Variants in AGBL4 observed in about 807,000 individuals in gnomAD.
AGBL4 encodes cytosolic carboxypeptidase 6.
AGBL4 carries 58 observed loss-of-function variants against 66.4 expected under a neutral mutation model. The ratio of observed to expected loss-of-function variants is 0.87; its 90% CI spans 0.71 to 1.09. The LOEUF (loss-of-function observed/expected upper bound fraction) is 1.09. Ranked by LOEUF, AGBL4 falls within the 50% of genes least tolerant of loss-of-function variation. AGBL4 has a pLI of 0.00. For synonymous variants in AGBL4, 234 were observed against 222.9 expected (o/e 1.05, Z -0.44); for missense variants, 579 against 631.0 (o/e 0.92, Z 0.88).
intron 2 of AGBL4, among the ~76,000 whole-genome samples, chr1:49,782,273 G>T (rs1467442338): frequency 6.6e-6 from 1 of 151,918 alleles, no homozygotes; most frequent in Non-Finnish European, 1.5e-5. Context: ...AGAATAAAAA[G>T]ATGAGGCATC....
chr1:49,039,083 A>G (rs1664894526), intron 5 of AGBL4, among the ~76,000 whole-genome samples: 1 of 152,134 alleles, frequency 6.6e-6, no homozygotes, highest in Non-Finnish European at 1.5e-5. Flanking sequence ...AAGCGAAAGA[A>G]GCCAATCTGA....
intron 3 of AGBL4, among the ~76,000 whole-genome samples, chr1:49,584,629 C>G (rs1324894485): frequency 6.6e-6 from 1 of 152,026 alleles, no homozygotes; most frequent in Non-Finnish European, 1.5e-5. Flanking sequence ...GGTTTGTGGG[C>G]TCTGAAGCTT....
chr1:49,300,008 T>G (rs1413392812), intron 3 of AGBL4, among the ~76,000 whole-genome samples: 1 of 152,222 alleles, frequency 6.6e-6, no homozygotes, highest in African/African-American at 2.4e-5. Flanking sequence ...GCTAATATTT[T>G]GTTGATGTTA....
rs375074244 is a variant in AGBL4 at position 48,532,908 on chromosome 1, C to T, written c.*1265G>A. On this transcript the variant is annotated 3_prime_UTR_variant, in exon 14 of 14. Transcript: ENST00000371839. Reference sequence around the variant, plus strand: ...GGGCAAAACGAACCCAGGGGAGAAGCTGTATATACAACATGACATTTGTAG... The same window carrying T: ...GGGCAAAACGAACCCAGGGGAGAAGTTGTATATACAACATGACATTTGTAG... The T allele has an allele frequency of 3.3e-5, 5 of 152,198 alleles. No homozygotes were observed. The highest frequency in any genetic ancestry group is 9.7e-5 in the African/African-American group (4 of 41,448). 9.4% of individuals were successfully genotyped at this position (152,198 alleles called of 1,614,324 possible). A position where few individuals can be genotyped will look rare whatever the true frequency, so the allele number is the denominator to read the frequency against.
chr1:48,671,625 A>G (rs889280614), intron 6 of AGBL4, among the ~76,000 whole-genome samples: 3 of 152,338 alleles, frequency 2.0e-5, no homozygotes, highest in Middle Eastern at 3.4e-3. Flanking sequence ...CTTCAGGTCT[A>G]TGTATATGAC....
intron 6 of AGBL4, among the ~76,000 whole-genome samples, chr1:48,858,400 C>T (rs769933446): frequency 3.9e-5 from 6 of 152,236 alleles, no homozygotes; most frequent in African/African-American, 7.2e-5. Flanking sequence ...GCAGATTATT[C>T]GTAAAATCCC....
At chr1:49,287,806 C>T (rs1299882920) in intron 3 of AGBL4, among the ~76,000 whole-genome samples, 4 of 136,290 alleles carry the variant, frequency 2.9e-5, no homozygotes, top group African/African-American at 8.4e-5. Context: ...GTCAGTGTGG[C>T]GATTCCTCAG....
intron 5 of AGBL4, among the ~76,000 whole-genome samples, chr1:48,980,029 T>C (rs1234576822): frequency 6.6e-6 from 1 of 152,178 alleles, no homozygotes; most frequent in East Asian, 1.9e-4. Flanking sequence ...AGATGCTTAC[T>C]CAGGAAGGTG....
intron 3 of AGBL4, among the ~76,000 whole-genome samples, chr1:49,318,852 C>A (rs930879101): frequency 2.0e-5 from 3 of 152,064 alleles, no homozygotes; most frequent in Non-Finnish European, 4.4e-5. Context: ...TTACAAGTAT[C>A]TTGCTTACAG....
At chr1:49,332,929 T>G (rs1295741928) in intron 3 of AGBL4, among the ~76,000 whole-genome samples, 1 of 152,198 alleles carries the variant, frequency 6.6e-6, no homozygotes, top group African/African-American at 2.4e-5. Context: ...CAGCATCTGT[T>G]GTTTCCTGAC....
chr1:48,969,508 G>T (rs1032760100), intron 5 of AGBL4, among the ~76,000 whole-genome samples: 2 of 152,020 alleles, frequency 1.3e-5, no homozygotes, highest in South Asian at 4.1e-4. Context: ...GTCCCACAGA[G>T]ATTTGCAAAG....
chr1:48,820,310 A>G (rs1319430161), intron 6 of AGBL4, among the ~76,000 whole-genome samples: 3 of 152,186 alleles, frequency 2.0e-5, no homozygotes, highest in African/African-American at 7.2e-5. Context: ...ATATAGAGGC[A>G]TCATCACTCC....
chr1:48,803,041 C>T (rs760711229), intron 6 of AGBL4, among the ~76,000 whole-genome samples: 1 of 152,128 alleles, frequency 6.6e-6, no homozygotes, highest in Admixed American at 6.5e-5. Flanking sequence ...AGAAAAGAGC[C>T]GGCTAATGTG....
chr1:49,014,069 A>T (rs1662644055), intron 5 of AGBL4, among the ~76,000 whole-genome samples: 1 of 152,184 alleles, frequency 6.6e-6, no homozygotes, highest in Non-Finnish European at 1.5e-5. Context: ...GCAATAAAAA[A>T]ACCCTGAGGA....
chr1:48,723,653 A>C (rs1647184600), intron 6 of AGBL4, among the ~76,000 whole-genome samples: 1 of 152,256 alleles, frequency 6.6e-6, no homozygotes, highest in Non-Finnish European at 1.5e-5. Context: ...TCTACGAAGA[A>C]GTAGCCAAAC....
chr1:49,413,971 T>C (rs913522057), intron 3 of AGBL4, among the ~76,000 whole-genome samples: 3 of 151,972 alleles, frequency 2.0e-5, no homozygotes, highest in African/African-American at 7.3e-5. Flanking sequence ...ATCCTCAAAA[T>C]ACAAATAAAA....
chr1:49,268,437 CACACACACACACAA>C (rs1304405741), intron 3 of AGBL4, among the ~76,000 whole-genome samples: 1 of 148,624 alleles, frequency 6.7e-6, no homozygotes, highest in Non-Finnish European at 1.5e-5. Context: ...CACACACACA[CACACACACACACAA>C]ATACAAGATC....
intron 4 of AGBL4, among the ~76,000 whole-genome samples, chr1:49,107,220 T>A (rs1248264625): frequency 6.6e-6 from 1 of 152,214 alleles, no homozygotes; most frequent in Non-Finnish European, 1.5e-5. Flanking sequence ...CTTTCAGTAC[T>A]GTATTTAATA....
intron 3 of AGBL4, among the ~76,000 whole-genome samples, chr1:49,563,368 G>A (rs1454814959): frequency 2.6e-5 from 4 of 152,010 alleles, no homozygotes; most frequent in East Asian, 1.9e-4. Context: ...GGTGAGAGAC[G>A]GCATCCCTGT....
Sources: gnomAD v4.1 joint callset for allele counts (sites outside exome capture counted in the v4.1 genomes callset) on GRCh38, gnomAD v4.1.1 for gene constraint, MANE v1.5 for transcripts, NCBI Gene and HGNC (gene_info 2026-07-23, HGNC 2026-07-21) for gene names.